Variants in TENT5D observed in about 807,000 individuals in gnomAD.
TENT5D encodes the protein terminal nucleotidyltransferase 5D.
For synonymous variants in TENT5D, 103 were observed against 100.6 expected (o/e 1.02, Z -0.15); for missense variants, 191 against 287.0 (o/e 0.67, Z 2.42).
intron 3 of TENT5D, among the ~76,000 whole-genome samples, chrX:80,383,404 T>G (rs954209909): frequency 1.8e-5 from 2 of 111,721 alleles, no homozygotes; most frequent in Non-Finnish European, 3.8e-5. Context: ...GGCTGATGAG[T>G]GCCTTCTTTC....
chrX:80,408,286 C>T (rs1377199610), intron 3 of TENT5D, among the ~76,000 whole-genome samples: 3 of 106,106 alleles, frequency 2.8e-5, no homozygotes, highest in African/African-American at 1.0e-4. Context: ...ACACAAAAAA[C>T]CCTTCAAAAA....
At chrX:80,360,257 C>T (rs1450292286) in intron 3 of TENT5D, among the ~76,000 whole-genome samples, 2 of 111,727 alleles carry the variant, frequency 1.8e-5, no homozygotes, top group African/African-American at 6.5e-5. Flanking sequence ...TTCAGGTTAT[C>T]GATATTGAAA....
At chrX:80,367,087 C>T (rs1356756412) in intron 3 of TENT5D, among the ~76,000 whole-genome samples, 2 of 111,213 alleles carry the variant, frequency 1.8e-5, no homozygotes, top group African/African-American at 6.5e-5. Flanking sequence ...AATTCCAGAG[C>T]CTAAAATCTA....
At chrX:80,340,397 T>C (rs1929935583) in intron 2 of TENT5D, among the ~76,000 whole-genome samples, 1 of 111,038 alleles carries the variant, frequency 9.0e-6, no homozygotes, top group Admixed American at 9.7e-5. Context: ...ATTCTAGATA[T>C]GGCTTTTATT....
At chrX:80,406,459 G>A (rs1390057127) in intron 3 of TENT5D, among the ~76,000 whole-genome samples, 1 of 107,847 alleles carries the variant, frequency 9.3e-6, no homozygotes, top group East Asian at 3.0e-4. Context: ...GAATGCAGAA[G>A]CCTCAGGAGC....
chrX:80,434,306 A>C (rs1246104998), intron 1 of TENT5D, among the ~76,000 whole-genome samples: 1 of 109,849 alleles, frequency 9.1e-6, no homozygotes, highest in Non-Finnish European at 1.9e-5. Context: ...AACCTTTAAC[A>C]CTCCCATCAT....
exon 1 of TENT5D, chrX:80,335,533 C>A (rs1399558042): frequency 8.9e-6 from 1 of 111,785 alleles, no homozygotes; most frequent in Non-Finnish European, 1.9e-5. Flanking sequence ...TTGGGTCCTT[C>A]GCCTGCACCC....
In TENT5D at chrX:80,431,863, G is replaced by A. The variant is rs1475143442; in HGVS notation, c.-141-6747G>A. Among the ~76,000 whole-genome samples, 13 of 111,472 alleles carry A rather than the reference G, an allele frequency of 1.2e-4. No individual in the cohort carries two copies. The East Asian group carries it at 3.7e-3, about 32-fold the overall frequency. On this transcript the variant is annotated intron_variant, in intron 1 of 2. Transcript: ENST00000308293. ...ATTTTAGTTCTGCTGGGAAGTGCTGGCTTCTCACATGGGAAAAGGAACAGC... is the reference window on the plus strand; with the variant it reads ...ATTTTAGTTCTGCTGGGAAGTGCTGACTTCTCACATGGGAAAAGGAACAGC...
chrX:80,373,230 A>C (rs1930661867), intron 3 of TENT5D, among the ~76,000 whole-genome samples: 1 of 111,001 alleles, frequency 9.0e-6, no homozygotes, highest in Non-Finnish European at 1.9e-5. Flanking sequence ...TCAGAATTAC[A>C]TTTCCAGGAT....
chrX:80,396,821 A>AG (rs1223138736), intron 3 of TENT5D, among the ~76,000 whole-genome samples: 1 of 99,977 alleles, frequency 1.0e-5, no homozygotes, highest in East Asian at 3.2e-4. Context: ...GGCCGGGCAG[A>AG]GGGGCTCCTC....
intron 3 of TENT5D, among the ~76,000 whole-genome samples, chrX:80,365,256 G>C (rs1464263314): frequency 9.0e-6 from 1 of 111,310 alleles, no homozygotes; most frequent in Non-Finnish European, 1.9e-5. Flanking sequence ...GTGAGATCAG[G>C]AAAAAATTGT....
rs757361228 is a variant in TENT5D at position 80,390,850 on chromosome X, G to T, written c.-141-47760G>T. Among the ~76,000 whole-genome samples, 4 of 111,957 alleles carry T rather than the reference G, an allele frequency of 3.6e-5. No individual in the cohort carries two copies. In the East Asian group the frequency reaches 1.1e-3, roughly 31 times the overall value. On this transcript the variant is annotated intron_variant, in intron 3 of 4. Coordinates refer to the TENT5D transcript ENST00000538312. Reference sequence around the variant, plus strand: ...TATTGGAAGAAGTACCTTTATTGTGGATGTTGAAATCTTCAATAACAATGA... The same window carrying T: ...TATTGGAAGAAGTACCTTTATTGTGTATGTTGAAATCTTCAATAACAATGA...
At chrX:80,426,529 A>T (rs6652403) in intron 1 of TENT5D, among the ~76,000 whole-genome samples, 29,118 of 110,752 alleles carry the variant, frequency 0.26, 3,619 homozygotes, top group East Asian at 0.56. Flanking sequence ...CTGAAAAGAA[A>T]ACCTTGTTGT....
chrX:80,352,023 C>T (rs1427663630), intron 3 of TENT5D, among the ~76,000 whole-genome samples: 1 of 111,764 alleles, frequency 8.9e-6, no homozygotes, highest in Non-Finnish European at 1.9e-5. Flanking sequence ...CTGGAAGCTT[C>T]GTCCCAGAGG....
chrX:80,351,077 T>A (rs1930168311), intron 3 of TENT5D, among the ~76,000 whole-genome samples: 1 of 111,272 alleles, frequency 9.0e-6, no homozygotes, highest in Admixed American at 9.6e-5. Flanking sequence ...CCGTTAACAT[T>A]TTTTCCTTCA....
At chrX:80,370,371 G>A (rs1930600923) in intron 3 of TENT5D, among the ~76,000 whole-genome samples, 1 of 111,547 alleles carries the variant, frequency 9.0e-6, no homozygotes, top group Admixed American at 9.6e-5. Flanking sequence ...TTGACTTAAA[G>A]TACTTTTCTG....
intron 3 of TENT5D, among the ~76,000 whole-genome samples, chrX:80,405,923 C>T (rs1931480806): frequency 9.1e-6 from 1 of 110,090 alleles, no homozygotes; most frequent in African/African-American, 3.3e-5. Flanking sequence ...AGACTGCCTC[C>T]TCAAGTGGGT....
intron 3 of TENT5D, among the ~76,000 whole-genome samples, chrX:80,408,734 C>T (rs1931563722): frequency 1.8e-5 from 2 of 111,377 alleles, no homozygotes; most frequent in African/African-American, 6.5e-5. Context: ...GGGAATCCTC[C>T]CTAACTCATT....
exon 3 of TENT5D, chrX:80,443,838 G>A (rs1208701039): frequency 1.7e-6 from 1 of 592,771 alleles, no homozygotes; most frequent in Admixed American, 4.1e-5. Context: ...TACAGTTGAT[G>A]GAATAGTAGT....
Sources: gnomAD v4.1 joint callset for allele counts (sites outside exome capture counted in the v4.1 genomes callset) on GRCh38, gnomAD v4.1.1 for gene constraint, MANE v1.5 for transcripts, NCBI Gene and HGNC (gene_info 2026-07-23, HGNC 2026-07-21) for gene names.